Variants in OCA2 observed in about 807,000 individuals in gnomAD.
OCA2 encodes the protein OCA2 melanosomal transmembrane protein.
In OCA2, 77 loss-of-function variants were observed where a neutral mutation model predicts 100.2. The ratio of observed to expected loss-of-function variants is 0.77; its 90% CI spans 0.64 to 0.93. The LOEUF (loss-of-function observed/expected upper bound fraction) is 0.93, where lower values mean the gene tolerates loss of function less well. Ranked by LOEUF, OCA2 falls within the 40% of genes least tolerant of loss-of-function variation. The probability of loss-of-function intolerance (pLI) is 0.00; values close to 1 mark genes in which losing one functional copy is unlikely to be tolerated. For missense variants in OCA2, 1,062 were observed against 1,089.1 expected (o/e 0.98, Z 0.35); for synonymous variants, 432 against 439.2 (o/e 0.98, Z 0.21).
At chr15:27,866,008 A>G (rs1323892392) in intron 21 of OCA2, among the ~76,000 whole-genome samples, 1 of 152,208 alleles carries the variant, frequency 6.6e-6, no homozygotes, top group East Asian at 1.9e-4. Flanking sequence ...CAGAAGCCAG[A>G]ACCAGTGGGA....
rs1486123633 is a variant in OCA2, at chr15:28,070,054, G to A, written c.227+11594C>T. 9.2e-5 allele frequency among the ~76,000 whole-genome samples: 10 copies of A among 108,988 alleles called. 1 individual carries two copies. The highest frequency in any genetic ancestry group is 4.7e-4 in the East Asian group (1 of 2,146). The allele number at this position is 108,988 out of a possible 152,430, so 71.5% of individuals were successfully genotyped here. On this transcript the variant is annotated intron_variant, in intron 2 of 23. Transcript: ENST00000354638. The stretch of plus-strand genomic sequence containing the variant: ...ATGTGGGGAGCGCCTCTGCCCCGCC[G>A]CCCCATCTGGGATGTGAGGAGCACC...
intron 10 of OCA2, 109 bp downstream of exon 10, chr15:27,990,467 C>T (rs925046578): frequency 5.6e-6 from 6 of 1,063,674 alleles, no homozygotes; most frequent in Admixed American, 1.7e-5. Flanking sequence ...AAAACATGGA[C>T]GTGGCATATA....
chr15:27,943,013 T>A (rs1411819937), intron 18 of OCA2, among the ~76,000 whole-genome samples: 1 of 152,300 alleles, frequency 6.6e-6, no homozygotes, highest in East Asian at 1.9e-4. Context: ...CTGCCTTAAA[T>A]AGTTTACATA....
the OCA2 span, among the ~76,000 whole-genome samples, chr15:27,737,961 T>C: frequency 6.6e-6 from 1 of 152,168 alleles, no homozygotes; most frequent in African/African-American, 2.4e-5. Flanking sequence ...CGAAACTGTC[T>C]TGAAGTGCTG....
At chr15:28,067,508 TC>T (rs994049143) in intron 2 of OCA2, among the ~76,000 whole-genome samples, 1 of 152,218 alleles carries the variant, frequency 6.6e-6, no homozygotes, top group Non-Finnish European at 1.5e-5. Flanking sequence ...TAATGCTGTA[TC>T]TCAGAGATTT....
intron 19 of OCA2, among the ~76,000 whole-genome samples, chr15:27,913,826 G>A (rs1595631513): frequency 1.6e-5 from 1 of 63,422 alleles, no homozygotes; most frequent in Non-Finnish European, 3.0e-5. Flanking sequence ...GAGAAAGAAA[G>A]AAAGAAAGAA....
intron 23 of OCA2, among the ~76,000 whole-genome samples, chr15:27,825,345 T>C (rs992893692): frequency 3.9e-5 from 6 of 152,236 alleles, no homozygotes; most frequent in Admixed American, 6.5e-5. Context: ...GGCTCCCCCC[T>C]TGTAGACAAG....
At chr15:27,829,778 C>A (rs550521974) in intron 23 of OCA2, among the ~76,000 whole-genome samples, 1 of 152,192 alleles carries the variant, frequency 6.6e-6, no homozygotes, top group Non-Finnish European at 1.5e-5. Flanking sequence ...TTACCTGATT[C>A]GCCACTTTGG....
intron 23 of OCA2, among the ~76,000 whole-genome samples, chr15:27,770,837 CCT>C (rs1280077755): frequency 1.6e-5 from 2 of 126,432 alleles, no homozygotes; most frequent in African/African-American, 7.2e-5. Flanking sequence ...TTCCTTCCTC[CCT>C]CTTTTCCTTC....
At chr15:27,909,292 AAATT>A (rs1483376853) in intron 19 of OCA2, among the ~76,000 whole-genome samples, 10 of 152,350 alleles carry the variant, frequency 6.6e-5, no homozygotes, top group Admixed American at 2.6e-4. Context: ...TTCTCAGATT[AAATT>A]AATTAACAAT....
At chr15:27,845,488 A>C (rs1461525621) in intron 22 of OCA2, among the ~76,000 whole-genome samples, 1 of 152,156 alleles carries the variant, frequency 6.6e-6, no homozygotes, top group Non-Finnish European at 1.5e-5. Context: ...GGATAGGTAA[A>C]AACAACCAGG....
At position 27,761,503 on chromosome 15, in the gene OCA2, T is replaced by C. The variant is rs925884346; in HGVS notation, c.2433-6031A>G. 2.7e-5 allele frequency among the ~76,000 whole-genome samples: 4 copies of C among 150,446 alleles called. No individual in the cohort carries two copies. In the South Asian group the frequency reaches 8.4e-4, roughly 32 times the overall value. On this transcript the variant is annotated intron_variant, in intron 23 of 23. Coordinates refer to ENST00000354638, the MANE Select transcript of OCA2 (RefSeq NM_000275.3). ...AAGCAGTTCTAGATAAATGGAGAGATATAGAGTGTTCATTAATGGAAGACT... is the reference window on the plus strand; with the variant it reads ...AAGCAGTTCTAGATAAATGGAGAGACATAGAGTGTTCATTAATGGAAGACT...
At chr15:28,093,325 G>A (rs1227624021) in intron 1 of OCA2, among the ~76,000 whole-genome samples, 1 of 151,872 alleles carries the variant, frequency 6.6e-6, no homozygotes, top group Non-Finnish European at 1.5e-5. Context: ...AGGAGACTGA[G>A]GCAGGAGAAT....
At chr15:27,843,342 C>A (rs1229069506) in intron 23 of OCA2, among the ~76,000 whole-genome samples, 1 of 152,302 alleles carries the variant, frequency 6.6e-6, no homozygotes, top group African/African-American at 2.4e-5. Context: ...TGTCTCTGAT[C>A]CCCTCTCTTG....
chr15:27,782,867 G>T (rs144997315), intron 23 of OCA2, among the ~76,000 whole-genome samples: 1 of 152,296 alleles, frequency 6.6e-6, no homozygotes, highest in African/African-American at 2.4e-5. Context: ...GCCTTCATTA[G>T]CTCATAAATT....
chr15:27,751,049 C>G (rs1415593287), downstream of OCA2, among the ~76,000 whole-genome samples: 1 of 152,212 alleles, frequency 6.6e-6, no homozygotes, highest in Non-Finnish European at 1.5e-5. Context: ...CTTCCCACAC[C>G]TTCCTCAGAG....
At chr15:27,862,121 C>T (rs1018638491) in intron 21 of OCA2, among the ~76,000 whole-genome samples, 1 of 152,072 alleles carries the variant, frequency 6.6e-6, no homozygotes, top group African/African-American at 2.4e-5. Context: ...AGACAGAAAG[C>T]GTGATCGTCA....
rs996990927 is a variant in OCA2, at chr15:27,955,158, C to T, written c.1842G>A (p.Lys614=). 3.7e-6 allele frequency: 6 copies of T among 1,608,272 alleles called. No homozygotes were observed. The highest frequency in any genetic ancestry group is 1.3e-5 in the African/African-American group (1 of 74,776). The change falls in exon 17 of 24, where the codon AAG becomes AAA. Residue 614 remains lysine, a splice_region_variant and synonymous_variant. Coordinates refer to ENST00000354638, the MANE Select transcript of OCA2 (RefSeq NM_000275.3). ...WETNIQELQK[K]HRISDGILLA... ...TCCCTGAGGAAAGAAAGCTGGGTAC[C>T]TTTTTTTGGAGTTCTTGGATATTGG... is the stretch of plus-strand genomic sequence containing the variant.
intron 2 of OCA2, among the ~76,000 whole-genome samples, chr15:28,064,946 T>C (rs1208129420): frequency 6.6e-6 from 1 of 152,000 alleles, no homozygotes; most frequent in Non-Finnish European, 1.5e-5. Context: ...GCTGTAGCAG[T>C]CCGTTGGTTT....
Sources: allele counts gnomAD v4.1 joint callset (sites outside exome capture counted in the v4.1 genomes callset), GRCh38; gene constraint gnomAD v4.1.1; transcripts MANE v1.5; gene names NCBI Gene and HGNC (gene_info 2026-07-23, HGNC 2026-07-21).